Variants in MOG observed in about 807,000 individuals in gnomAD.
MOG encodes myelin oligodendrocyte glycoprotein.
A neutral mutation model predicts 35.9 loss-of-function variants in MOG; 20 were observed. The observed-to-expected ratio is 0.56, with a 90% confidence interval of 0.39 to 0.81. MOG has a LOEUF of 0.81. Among genes scored for constraint, MOG ranks in the 30% least tolerant of loss-of-function variants. MOG has a pLI of 0.00. For missense variants in MOG, 251 were observed against 301.0 expected (o/e 0.83, Z 1.23); for synonymous variants, 92 against 114.3 (o/e 0.80, Z 1.25).
intron 2 of MOG, chr6:29,661,774 C>T (rs1320812195): frequency 1.0e-6 from 1 of 969,672 alleles, no homozygotes; most frequent in Non-Finnish European, 1.2e-6. Flanking sequence ...CAAGATCGTG[C>T]CATTACACTC....
intron 1 of MOG, 138 bp downstream of exon 1, chr6:29,657,435 C>T: frequency 1.4e-6 from 1 of 719,002 alleles, no homozygotes; most frequent in Non-Finnish European, 2.4e-6. Context: ...TGCCTCCCTT[C>T]CTCAGAAACC....
Position 29,662,325 on chromosome 6 carries a change from A to C in MOG, c.436+2659A>C. 1 of 255,606 alleles carries C rather than the reference A, an allele frequency of 3.9e-6. No homozygotes were observed. The highest frequency in any genetic ancestry group is 6.1e-6 in the Non-Finnish European group (1 of 162,768). 15.8% of individuals were successfully genotyped at this position (255,606 alleles called of 1,614,324 possible). On this transcript the variant is annotated intron_variant, in intron 2 of 7. Transcript: ENST00000376917. This position sits in a 1 kb window ranked among gnomAD's most constrained non-coding sequence, Gnocchi z 4.2. ...ATGGAGAAACCCCGTCTCTACTAAA[A>C]AATACAAAATTAGCTAGGCGTGGTG...
Position 29,667,680 on chromosome 6 carries a change from G to A in MOG, c.571+17G>A, listed in dbSNP as rs763292776. The A allele has an allele frequency of 2.1e-5, 34 of 1,613,730 alleles. No individual in the cohort carries two copies. The highest frequency in any genetic ancestry group is 2.9e-5 in the Non-Finnish European group (34 of 1,179,954). ...CAGAGATAGGTGAGTTCCAGTCATC[G>A]TTTCTCCCAATTCTTGCCTTTTGGT... On this transcript the variant is annotated intron_variant, in intron 4 of 7. Coordinates refer to ENST00000376917, the MANE Select transcript of MOG (RefSeq NM_206809.4).
In MOG at chr6:29,670,446, G is replaced by A. The variant is rs1771215241; in HGVS notation, c.709+49G>A. On this transcript the variant is annotated intron_variant, in intron 6 of 7. Coordinates refer to ENST00000376917, the MANE Select transcript of MOG (RefSeq NM_206809.4). The surrounding 1 kb of genome is among the most constrained non-coding windows in gnomAD (Gnocchi z 4.2). ...AGACCACCAAATAGTGGGGGACCAA[G>A]TCAGCTCTGAATGGGAAGCCAAAAG... is the stretch of plus-strand genomic sequence containing the variant. 1 of 1,582,192 alleles carries A rather than the reference G, an allele frequency of 6.3e-7. No individual in the cohort carries two copies.
intron 2 of MOG, 122 bp from the exon 3 acceptor site, chr6:29,666,030 C>T: frequency 1.3e-6 from 1 of 790,164 alleles, no homozygotes; most frequent in Non-Finnish European, 2.3e-6. Flanking sequence ...TTCTGTGTCA[C>T]CTTCTTTGAA....
Position 29,657,409 on chromosome 6 carries a change from C to T in MOG, c.88+112C>T, listed in dbSNP as rs1482727866. 3.5e-6 allele frequency: 3 copies of T among 849,198 alleles called. No homozygotes were observed. The East Asian group carries it at 8.0e-5, about 23-fold the overall frequency. The allele number at this position is 849,198 out of a possible 1,614,324, so 52.6% of individuals were successfully genotyped here. On this transcript the variant is annotated intron_variant, in intron 1 of 7. Coordinates refer to ENST00000376917, the MANE Select transcript of MOG (RefSeq NM_206809.4). The stretch of plus-strand genomic sequence containing the variant: ...AAGTTGCTATATTATCTTTCTAAAA[C>T]ATAGACCTACTGACATGCCTCCCTT...
At position 29,670,935 on chromosome 6, in the gene MOG, G is replaced by A. The variant is rs1771346670; in HGVS notation, c.730+214G>A. On this transcript the variant is annotated intron_variant, in intron 7 of 7. Coordinates refer to ENST00000376917, the MANE Select transcript of MOG (RefSeq NM_206809.4). The surrounding 1 kb of genome is among the most constrained non-coding windows in gnomAD (Gnocchi z 4.2). ...TTTACAGGTGGCAGAGAAGCTGGAG[G>A]CACTCCTATCTGCCACCTGATCCAT... 3.7e-6 allele frequency: 6 copies of A among 1,611,540 alleles called. No homozygotes were observed. The highest frequency in any genetic ancestry group is 1.3e-5 in the African/African-American group (1 of 75,026).
At chr6:29,665,364 G>A (rs1003523643) in intron 2 of MOG, among the ~76,000 whole-genome samples, 1 of 152,056 alleles carries the variant, frequency 6.6e-6, no homozygotes, top group Non-Finnish European at 1.5e-5. Context: ...CCAAAGTGCT[G>A]GGATTACAGG....
intron 1 of MOG, among the ~76,000 whole-genome samples, 192 bp downstream of exon 1, chr6:29,657,489 C>CT (rs879256529): frequency 1.5e-3 from 213 of 143,968 alleles, no homozygotes; most frequent in East Asian, 8.0e-3. Context: ...AGTCCAGACT[C>CT]TTTTTTTTTT....
At chr6:29,663,603 T>A (rs1359693984) in intron 2 of MOG, among the ~76,000 whole-genome samples, 1 of 152,218 alleles carries the variant, frequency 6.6e-6, no homozygotes, top group Non-Finnish European at 1.5e-5. Context: ...CAATGACATT[T>A]GTGTTTGATT....
In MOG at chr6:29,670,166, G is replaced by T. The variant is rs1187615320; in HGVS notation, c.593-115G>T. The T allele has an allele frequency of 6.4e-7, 1 of 1,572,976 alleles. No individual in the cohort carries two copies. Among genetic ancestry groups the T allele is most frequent in the East Asian group, 2.2e-5 (1 of 44,702 alleles). On this transcript the variant is annotated intron_variant, in intron 5 of 7. Transcript: ENST00000376917. This position sits in a 1 kb window ranked among gnomAD's most constrained non-coding sequence, Gnocchi z 4.2. ...CAAGTTCATGGACTTTCTGAATTTT[G>T]TCCCCAGAGTCCTTTGGTGTTCTAG...
At chr6:29,661,816 C>CA (rs9278231) in intron 2 of MOG, 29,629 of 851,764 alleles carry the variant, frequency 0.035, 7 homozygotes, top group Middle Eastern at 0.039. Context: ...AACTCCATCT[C>CA]AAAAAAAAAA....
chr6:29,666,008 C>T, intron 2 of MOG, 144 bp from the exon 3 acceptor site: 1 of 748,310 alleles, frequency 1.3e-6, no homozygotes, highest in Non-Finnish European at 2.5e-6. Context: ...CAGGGCTAAG[C>T]TCAGGGACCA....
In MOG at chr6:29,657,307, G is replaced by GT. The variant is rs749231725; in HGVS notation, c.88+18dup. On this transcript the variant is annotated intron_variant, in intron 1 of 7. Transcript: ENST00000376917. Reference sequence around the variant, plus strand: ...TCTTCCAGCTATGCAGGTAAGACATGTTTTTTTTCCTGCCCTGGGGAGACC... The same window carrying GT: ...TCTTCCAGCTATGCAGGTAAGACATGTTTTTTTTTCCTGCCCTGGGGAGACC... The GT allele has an allele frequency of 5.7e-5, 89 of 1,567,300 alleles. No individual in the cohort carries two copies. The highest frequency in any genetic ancestry group is 7.0e-5 in the Non-Finnish European group (81 of 1,152,984).
chr6:29,657,354 T>C lies in MOG; in HGVS notation c.88+57T>C, dbSNP rs1767323748. 6 of 1,320,392 alleles carry C rather than the reference T, an allele frequency of 4.5e-6. No individual in the cohort carries two copies. In the South Asian group the frequency reaches 7.5e-5, roughly 17 times the overall value. 81.8% of individuals were successfully genotyped at this position (1,320,392 alleles called of 1,614,324 possible). On this transcript the variant is annotated intron_variant, in intron 1 of 7. Transcript: ENST00000376917. ...GACCCTGAAAACAGAAAGGCTAGTT[T>C]CCTGGGGCTTAGCTCCTTCAAACAT...
chr6:29,667,025 C>T (rs1225477748), intron 3 of MOG, among the ~76,000 whole-genome samples: 4 of 152,170 alleles, frequency 2.6e-5, no homozygotes, highest in African/African-American at 9.7e-5. Context: ...TTTACTTCTT[C>T]CACACAAAAA....
chr6:29,658,214 C>T (rs557874100), intron 1 of MOG, among the ~76,000 whole-genome samples: 3 of 152,266 alleles, frequency 2.0e-5, no homozygotes, highest in South Asian at 2.1e-4. Context: ...TAAAGGAACC[C>T]GGCTGTCACG....
rs1223849005 is a variant in MOG, at chr6:29,667,911, C to A, written c.579C>A (p.Leu193=). ...RGKLRAEIEN[L]HRTFDPHFLR... Reference sequence around the variant, plus strand: ...CATTTGTTTCTCTTTCAGAGAATCTCCACCGGACTTTTGGTAAGTTCCGGC... The same window carrying A: ...CATTTGTTTCTCTTTCAGAGAATCTACACCGGACTTTTGGTAAGTTCCGGC... Residue 193 remains leucine (L), a synonymous_variant, in exon 5 of 8, where the codon CTC becomes CTA. Coordinates refer to ENST00000376917, the MANE Select transcript of MOG (RefSeq NM_206809.4). 6.2e-7 allele frequency: 1 copy of A among 1,613,328 alleles called. No homozygotes were observed. The highest frequency in any genetic ancestry group is 1.1e-5 in the South Asian group (1 of 91,088).
rs1165996107 is a variant in MOG at position 29,670,959 on chromosome 6, A to G, written c.731-213A>G. The stretch of plus-strand genomic sequence containing the variant: ...GGCACTCCTATCTGCCACCTGATCC[A>G]TTCCTCCTTCACTGCCCCTAAGCAG... On this transcript the variant is annotated intron_variant, in intron 7 of 7. Transcript: ENST00000376917. This position sits in a 1 kb window ranked among gnomAD's most constrained non-coding sequence, Gnocchi z 4.2. 6.2e-7 allele frequency: 1 copy of G among 1,612,186 alleles called. No homozygotes were observed. Among genetic ancestry groups the G allele is most frequent in the Non-Finnish European group, 8.5e-7 (1 of 1,179,734 alleles).
Sources: gnomAD v4.1 joint callset for allele counts (sites outside exome capture counted in the v4.1 genomes callset) on GRCh38, gnomAD v4.1.1 for gene constraint, Gnocchi (gnomAD v3.1) non-coding constraint, MANE v1.5 for transcripts, NCBI Gene and HGNC (gene_info 2026-07-23, HGNC 2026-07-21) for gene names.